Variants in ATRIP observed in about 807,000 individuals in gnomAD.
ATRIP encodes the protein ATR interacting protein.
ATRIP carries 44 observed loss-of-function variants against 78.1 expected under a neutral mutation model. The ratio of observed to expected loss-of-function variants is 0.56; its 90% CI spans 0.44 to 0.72. ATRIP has a LOEUF of 0.72. Ranked by LOEUF, ATRIP falls within the 30% of genes least tolerant of loss-of-function variation. ATRIP has a pLI of 0.00. For synonymous variants in ATRIP, 388 were observed against 408.9 expected (o/e 0.95, Z 0.62); for missense variants, 927 against 980.2 (o/e 0.95, Z 0.72).
intron 2 of ATRIP, 26 bp downstream of exon 2, chr3:48,450,196 G>T (rs1416518813): frequency 6.3e-7 from 1 of 1,596,818 alleles, no homozygotes; most frequent in Non-Finnish European, 8.5e-7. Flanking sequence ...TGTGGTTTTT[G>T]TAGCTAATTC....
In ATRIP at chr3:48,460,285, T is replaced by A. The variant is rs758862537; in HGVS notation, c.1231T>A (p.Cys411Ser). The change falls in exon 8 of 13, where the codon TGC becomes AGC. Residue 411 changes from cysteine to serine, a missense_variant. Transcript: ENST00000320211. Reference protein sequence around the residue: ...AEGGRRAFPLCQLPGAVHFLP... With the variant: ...AEGGRRAFPLSQLPGAVHFLP... ...GGGAGGCAGAAGGGCCTTCCCACTCTGCCAGCTTCCTGGAGCCGTGCATTT... is the reference window on the plus strand; with the variant it reads ...GGGAGGCAGAAGGGCCTTCCCACTCAGCCAGCTTCCTGGAGCCGTGCATTT... 1 of 1,614,120 alleles carries A rather than the reference T, an allele frequency of 6.2e-7. No homozygotes were observed. Among genetic ancestry groups the A allele is most frequent in the South Asian group, 1.1e-5 (1 of 91,078 alleles).
Position 48,460,170 on chromosome 3 carries a change from CT to C in ATRIP, c.1117del (p.Ser373GlnfsTer3). On this transcript the variant is annotated frameshift_variant, in exon 8 of 13. Transcript: ENST00000320211. LOFTEE classifies it high-confidence loss of function. ...GTTCTTATGATGGGTCATTTTCCCT[CT>C]CAGCCCTGAGAGAAGCACAGAACCT... The part of the protein sequence containing the change: ...TGSYDGSFSL[S>X]ALREAQNLAF... 1 of 1,614,052 alleles carries C rather than the reference CT, an allele frequency of 6.2e-7. No homozygotes were observed. The highest frequency in any genetic ancestry group is 8.5e-7 in the Non-Finnish European group (1 of 1,180,032).
At chr3:48,464,247 A>C in intron 10 of ATRIP, 115 bp downstream of exon 10, 1 of 982,202 alleles carries the variant, frequency 1.0e-6, no homozygotes. Flanking sequence ...TAGTAACAAG[A>C]GTTGATAAAG....
Position 48,451,763 on chromosome 3 carries a change from A to T in ATRIP, c.416A>T (p.Asn139Ile), listed in dbSNP as rs759408256. 2 of 1,606,024 alleles carry T rather than the reference A, an allele frequency of 1.2e-6. No individual in the cohort carries two copies. The highest frequency in any genetic ancestry group is 3.4e-5 in the Admixed American group (2 of 59,054). Residue 139 changes from asparagine to isoleucine, a missense_variant, in exon 3 of 13, where the codon AAT becomes ATT. By Grantham distance (149) the Asn-to-Ile change is moderately radical. Transcript: ENST00000320211. ...KVMEEEVLIKNGEIKILRDSL... is the reference protein window; with the variant it reads ...KVMEEEVLIKIGEIKILRDSL... The stretch of plus-strand genomic sequence containing the variant: ...ATGGAAGAAGAAGTTCTCATTAAGA[A>T]TGGAGAAATTAAAATTTTGCGAGAC...
intron 5 of ATRIP, among the ~76,000 whole-genome samples, chr3:48,457,833 A>G (rs1297891357): frequency 2.6e-5 from 4 of 152,212 alleles, no homozygotes; most frequent in Non-Finnish European, 5.9e-5. Context: ...ATTCAAGGGG[A>G]GAAACCAAGC....
At chr3:48,464,275 T>G (rs1319327823) in intron 10 of ATRIP, 143 bp downstream of exon 10, 4 of 794,298 alleles carry the variant, frequency 5.0e-6, no homozygotes, top group Non-Finnish European at 8.1e-6. Flanking sequence ...AGAGGTAAAC[T>G]CAGTTTGGGG....
chr3:48,464,822 CT>C lies in ATRIP; in HGVS notation c.2056-8del, dbSNP rs367546309. 4.0e-5 allele frequency: 64 copies of C among 1,604,026 alleles called. 1 individual carries two copies. Among genetic ancestry groups the C allele is most frequent in the African/African-American group, 5.4e-5 (4 of 74,748 alleles). ...CACCAGGCCTCAGTCTGCACCCCCC[CT>C]CTCTCAGGTGGTCAGAGCGCTCACG... On this transcript the variant is annotated splice_polypyrimidine_tract_variant and splice_region_variant and intron_variant, in intron 11 of 12. Coordinates refer to ENST00000320211, the MANE Select transcript of ATRIP (RefSeq NM_130384.3).
chr3:48,466,966 T>C lies in ATRIP; in HGVS notation c.*1412T>C, dbSNP rs1575292719. The C allele has an allele frequency of 6.2e-7, 1 of 1,612,512 alleles. No homozygotes were observed. The highest frequency in any genetic ancestry group is 2.2e-5 in the East Asian group (1 of 44,888). The stretch of plus-strand genomic sequence containing the variant: ...GGGCGTCAATGTTTTGATGACAACC[T>C]GGCCAACCTGCTCCTAGCCTTCCTG... On this transcript the variant is annotated 3_prime_UTR_variant, in exon 13 of 13. Coordinates refer to ENST00000320211, the MANE Select transcript of ATRIP (RefSeq NM_130384.3).
rs2039912494 is a variant in ATRIP, at chr3:48,454,693, A to C, written c.671+275A>C. 3.9e-5 allele frequency among the ~76,000 whole-genome samples: 6 copies of C among 152,180 alleles called. No homozygotes were observed. The South Asian group carries it at 1.2e-3, about 32-fold the overall frequency. The stretch of plus-strand genomic sequence containing the variant: ...AAAGACCTGGAAAAATGATCTCCAA[A>C]TTTTGGGGGTGGGCTAGTCTCTACT... On this transcript the variant is annotated intron_variant, in intron 4 of 12. Transcript: ENST00000320211.
Position 48,462,352 on chromosome 3 carries a change from C to T in ATRIP, c.1746-1393C>T, listed in dbSNP as rs1373590741. 2.0e-5 allele frequency among the ~76,000 whole-genome samples: 3 copies of T among 152,016 alleles called. No homozygotes were observed. The East Asian group carries it at 5.8e-4, about 29-fold the overall frequency. On this transcript the variant is annotated intron_variant, in intron 8 of 12. Transcript: ENST00000320211. ...TCCACAGGGACATTCAAAACACAGC[C>T]ACAGCTGGGCATTTATCTATTTCAT...
rs921270646 is a variant in ATRIP, at chr3:48,466,941, G to A, written c.*1387G>A. ...GAGCACAGCTGTGCTGGCAGCGCAT[G>A]GGCGTCAATGTTTTGATGACAACCT... On this transcript the variant is annotated 3_prime_UTR_variant, in exon 13 of 13. Coordinates refer to ENST00000320211, the MANE Select transcript of ATRIP (RefSeq NM_130384.3). 4.3e-6 allele frequency: 7 copies of A among 1,611,516 alleles called. No individual in the cohort carries two copies. Among genetic ancestry groups the A allele is most frequent in the African/African-American group, 2.7e-5 (2 of 74,934 alleles).
rs533029183 is a variant in ATRIP at position 48,464,885 on chromosome 3, G to A, written c.2110G>A (p.Ala704Thr). ...CAGACAGTGGCTGACAGTGCGGAGGGCAGGGGGACCCCCAAGGACCGACCA... is the reference window on the plus strand; with the variant it reads ...CAGACAGTGGCTGACAGTGCGGAGGACAGGGGGACCCCCAAGGACCGACCA... ...LHRQWLTVRR[A>T]GGPPRTDQQR... Residue 704 changes from alanine (A) to threonine (T), a missense_variant, in exon 12 of 13, where the codon GCA becomes ACA. Ala to Thr is a moderately conservative substitution (Grantham distance 58). Coordinates refer to ENST00000320211, the MANE Select transcript of ATRIP (RefSeq NM_130384.3). 15 of 1,613,982 alleles carry A rather than the reference G, an allele frequency of 9.3e-6. No homozygotes were observed. The East Asian group carries it at 2.0e-4, about 22-fold the overall frequency.
At chr3:48,463,117 C>T (rs564408381) in intron 8 of ATRIP, among the ~76,000 whole-genome samples, 2 of 152,332 alleles carry the variant, frequency 1.3e-5, no homozygotes, top group African/African-American at 4.8e-5. Context: ...CTCCCCCAGG[C>T]TATGTGGGTT....
In ATRIP at chr3:48,446,971, C is replaced by G. The variant is rs940307660; in HGVS notation, c.126C>G (p.Ala42=). 3.2e-6 allele frequency: 5 copies of G among 1,565,744 alleles called. No homozygotes were observed. The highest frequency in any genetic ancestry group is 2.6e-6 in the Non-Finnish European group (3 of 1,159,722). ...CCCGGGGCTTCTCCGCAGCCGCTGC[C>G]CCGGACCCTGACGACCCGTTCGGCG... ...KRARGFSAAA[A]PDPDDPFGAH... is the part of the protein sequence containing the mutation. Residue 42 remains alanine (A), a synonymous_variant, in exon 1 of 13, where the codon GCC becomes GCG. Transcript: ENST00000320211.
At chr3:48,462,572 A>G (rs1451324103) in intron 8 of ATRIP, among the ~76,000 whole-genome samples, 1 of 152,000 alleles carries the variant, frequency 6.6e-6, no homozygotes, top group African/African-American at 2.4e-5. Context: ...GCGTGGTGGC[A>G]GGCACCTGTA....
In ATRIP at chr3:48,453,115, C is replaced by G. The variant is rs930412433; in HGVS notation, c.553-1185C>G. ...TCCAAGCCGTTCTCAAGCTCCTGGG[C>G]TCATGCAGTCCTCCCACCTTGGCCT... is the stretch of plus-strand genomic sequence containing the variant. On this transcript the variant is annotated intron_variant, in intron 3 of 12. Transcript: ENST00000320211. 2.0e-5 allele frequency among the ~76,000 whole-genome samples: 3 copies of G among 152,158 alleles called. 1 individual carries two copies. In the South Asian group the frequency reaches 6.2e-4, roughly 32 times the overall value.
Position 48,446,888 on chromosome 3 carries a change from CCCCCGGCGCCTCG to C in ATRIP, c.51_63del (p.Pro18ArgfsTer50). 2.9e-6 allele frequency: 4 copies of C among 1,395,958 alleles called. No homozygotes were observed. Among genetic ancestry groups the C allele is most frequent in the Non-Finnish European group, 3.7e-6 (4 of 1,078,164 alleles). 86.5% of individuals were successfully genotyped at this position (1,395,958 alleles called of 1,614,324 possible). On this transcript the variant is annotated frameshift_variant, in exon 1 of 13. Transcript: ENST00000320211. LOFTEE classifies it high-confidence loss of function. ...GCCAGGCAGCAAGAGGCGGAGCGAG[CCCCCGGCGCCTCG>C]CCCCGGCCCGCCGCCGGGCACCGGG...
rs763080419 is a variant in ATRIP at position 48,459,445 on chromosome 3, A to G, written c.916A>G (p.Asn306Asp). Reference protein sequence around the residue: ...SFVDSWRQRSNTQGSILINLL... With the variant: ...SFVDSWRQRSDTQGSILINLL... Reference sequence around the variant, plus strand: ...TGTTGACAGCTGGAGACAGAGATCAAACACTCAAGGTACCAGAATCCCTGC... The same window carrying G: ...TGTTGACAGCTGGAGACAGAGATCAGACACTCAAGGTACCAGAATCCCTGC... The change falls in exon 6 of 13, where the codon AAC (asparagine) becomes GAC (aspartate). Residue 306 changes from asparagine (N) to aspartate (D), a missense_variant. Coordinates refer to ENST00000320211, the MANE Select transcript of ATRIP (RefSeq NM_130384.3). The G allele has an allele frequency of 2.5e-6, 4 of 1,613,786 alleles. No homozygotes were observed. Among genetic ancestry groups the G allele is most frequent in the Non-Finnish European group, 3.4e-6 (4 of 1,179,790 alleles).
In ATRIP at chr3:48,466,029, T is replaced by C; in HGVS notation, c.*475T>C. ...CACTGCCCTGGTCCTTCCAGCTGCC[T>C]GTCACTGGTATGATGGCCCCGGTGC... is the stretch of plus-strand genomic sequence containing the variant. On this transcript the variant is annotated 3_prime_UTR_variant, in exon 13 of 13. Transcript: ENST00000320211. 1 of 317,578 alleles carries C rather than the reference T, an allele frequency of 3.1e-6. No individual in the cohort carries two copies. Among genetic ancestry groups the C allele is most frequent in the Non-Finnish European group, 6.1e-6 (1 of 162,814 alleles). 19.7% of individuals were successfully genotyped at this position (317,578 alleles called of 1,614,324 possible).
Sources: gnomAD v4.1 joint callset for allele counts (sites outside exome capture counted in the v4.1 genomes callset) on GRCh38, gnomAD v4.1.1 for gene constraint, MANE v1.5 for transcripts, NCBI Gene and HGNC (gene_info 2026-07-23, HGNC 2026-07-21) for gene names.